The following CAST variants were observed in gnomAD, a reference collection of about 807,000 sequenced individuals.
CAST encodes the protein MIR583 host.
Under a neutral mutation model 119.6 loss-of-function variants are expected in CAST, and 76 were observed. The observed-to-expected ratio is 0.64, with a 90% confidence interval of 0.53 to 0.77. CAST has a LOEUF of 0.77. Ranked by LOEUF, CAST falls within the 30% of genes least tolerant of loss-of-function variation. The pLI is 0.00. For synonymous variants in CAST, 319 were observed against 331.6 expected (o/e 0.96, Z 0.41); for missense variants, 953 against 946.5 (o/e 1.01, Z -0.09).
At chr5:96,541,659 GT>G (rs1157473427) in intron 1 of CAST, among the ~76,000 whole-genome samples, 1 of 152,146 alleles carries the variant, frequency 6.6e-6, no homozygotes, top group Non-Finnish European at 1.5e-5. Context: ...CAACCAGTGA[GT>G]TTTTACGTTT....
the CAST span, among the ~76,000 whole-genome samples, chr5:96,217,992 C>T: frequency 0.95 from 144,321 of 152,294 alleles, 68,772 homozygotes; most frequent in East Asian, 1. Flanking sequence ...ATAATACTTA[C>T]GTTCTTGTGT....
At chr5:96,357,210 A>G in the CAST span, among the ~76,000 whole-genome samples, 10 of 152,338 alleles carry the variant, frequency 6.6e-5, no homozygotes, top group South Asian at 4.1e-4. Flanking sequence ...GAAGTTGCTT[A>G]TCAGCGTAAG....
intron 3 of CAST, among the ~76,000 whole-genome samples, chr5:96,712,900 T>C (rs17082200): frequency 0.12 from 18,335 of 152,160 alleles, 1,225 homozygotes; most frequent in Middle Eastern, 0.17. Context: ...TCAGTCCTCA[T>C]GTTTGGCTCT....
At chr5:96,045,668 T>C in the CAST span, among the ~76,000 whole-genome samples, 1 of 152,188 alleles carries the variant, frequency 6.6e-6, no homozygotes, top group Admixed American at 6.5e-5. Context: ...TGCAACCCTA[T>C]GAGGCAGATA....
the CAST span, among the ~76,000 whole-genome samples, chr5:96,161,248 A>G: frequency 8.6e-4 from 131 of 152,248 alleles, 2 homozygotes; most frequent in East Asian, 0.024. Flanking sequence ...TTTAGCTCTT[A>G]TAATTAGGCC....
At chr5:96,538,076 A>C (rs1745849396) in intron 1 of CAST, among the ~76,000 whole-genome samples, 1 of 150,054 alleles carries the variant, frequency 6.7e-6, no homozygotes, top group South Asian at 2.1e-4. Flanking sequence ...CAGAGCATGC[A>C]ATCTACACAC....
the CAST span, among the ~76,000 whole-genome samples, chr5:96,332,412 C>T: frequency 6.7e-5 from 10 of 149,766 alleles, no homozygotes; most frequent in East Asian, 5.8e-4. Context: ...AAATTGATTT[C>T]GGCTTTTTTT....
chr5:96,727,492 G>A lies in CAST; in HGVS notation c.340G>A (p.Val114Ile). The change falls in exon 6 of 32, where the codon GTA becomes ATA. Residue 114 changes from valine to isoleucine, a missense_variant. Coordinates refer to ENST00000675179, the MANE Select transcript of CAST (RefSeq NM_001750.7). ...CTTTCTTTTTTTCTGAACTTAGGCT[G>A]TAAAAACAGAACCTGAGAAGAAGTC... ...PNKKKHKKQA[V>I]KTEPEKKSQS... The A allele has an allele frequency of 1.3e-6, 2 of 1,543,668 alleles. No homozygotes were observed. Among genetic ancestry groups the A allele is most frequent in the South Asian group, 1.2e-5 (1 of 83,184 alleles).
At chr5:96,064,174 G>A in the CAST span, among the ~76,000 whole-genome samples, 1,703 of 152,224 alleles carry the variant, frequency 0.011, 36 homozygotes, top group African/African-American at 0.039. Flanking sequence ...GTAAATGGTA[G>A]CAAAGAGACA....
chr5:96,450,035 C>G, the CAST span, among the ~76,000 whole-genome samples: 2 of 152,108 alleles, frequency 1.3e-5, no homozygotes, highest in South Asian at 4.1e-4. Context: ...ATAGAATTAC[C>G]CTTTGATCCA....
intron 2 of CAST, among the ~76,000 whole-genome samples, chr5:96,694,532 G>C (rs1419509632): frequency 6.6e-6 from 1 of 152,204 alleles, no homozygotes; most frequent in Non-Finnish European, 1.5e-5. Context: ...TCAGGAGGCT[G>C]AGGCAGGAGA....
At chr5:96,187,442 T>C in the CAST span, among the ~76,000 whole-genome samples, 1 of 152,314 alleles carries the variant, frequency 6.6e-6, no homozygotes, top group East Asian at 1.9e-4. Context: ...TGTTAGGTTG[T>C]TAACTTGAGA....
chr5:96,550,766 G>A (rs1250946063), intron 1 of CAST, among the ~76,000 whole-genome samples: 1 of 152,118 alleles, frequency 6.6e-6, no homozygotes, highest in African/African-American at 2.4e-5. Flanking sequence ...ACTTCATAAA[G>A]CATACACAAG....
intron 3 of CAST, among the ~76,000 whole-genome samples, chr5:96,721,247 T>C (rs1174034944): frequency 6.6e-6 from 1 of 152,148 alleles, no homozygotes; most frequent in East Asian, 1.9e-4. Context: ...GCCTAAGGGT[T>C]CTCAGGAATA....
At chr5:96,064,801 T>C in the CAST span, among the ~76,000 whole-genome samples, 2 of 152,180 alleles carry the variant, frequency 1.3e-5, no homozygotes, top group Non-Finnish European at 2.9e-5. Context: ...AAATTCCCTT[T>C]TCTGGGAATT....
chr5:96,600,601 C>A (rs1747132605), intron 1 of CAST, among the ~76,000 whole-genome samples: 1 of 152,148 alleles, frequency 6.6e-6, no homozygotes, highest in Non-Finnish European at 1.5e-5. Context: ...ATGTTCTCAC[C>A]TAAGAGGTCC....
At chr5:96,758,020 A>T (rs1173564152) in intron 24 of CAST, among the ~76,000 whole-genome samples, 1 of 152,080 alleles carries the variant, frequency 6.6e-6, no homozygotes, top group Admixed American at 6.6e-5. Context: ...GCAGAAATAA[A>T]TGGAAACTGG....
chr5:96,573,339 G>A (rs1489942984), intron 1 of CAST, among the ~76,000 whole-genome samples: 1 of 151,738 alleles, frequency 6.6e-6, no homozygotes, highest in East Asian at 1.9e-4. Context: ...TACATTAAAC[G>A]ACATGCACAA....
intron 1 of CAST, among the ~76,000 whole-genome samples, chr5:96,610,935 C>T (rs1747349163): frequency 6.6e-6 from 1 of 152,114 alleles, no homozygotes; most frequent in African/African-American, 2.4e-5. Flanking sequence ...CACACATACA[C>T]ACACACACGC....
Sources: gnomAD v4.1 joint callset for allele counts (sites outside exome capture counted in the v4.1 genomes callset) on GRCh38, gnomAD v4.1.1 for gene constraint, MANE v1.5 for transcripts, NCBI Gene and HGNC (gene_info 2026-07-23, HGNC 2026-07-21) for gene names.